MAGI2: variants seen among roughly 807,000 people sequenced by gnomAD.
The protein encoded by MAGI2 is membrane-associated guanylate kinase, WW and PDZ domain-containing protein 2.
MAGI2 carries 35 observed loss-of-function variants against 133.3 expected under a neutral mutation model. The observed-to-expected ratio is 0.26, with a 90% CI of 0.20 to 0.35. The LOEUF (loss-of-function observed/expected upper bound fraction) is 0.35. MAGI2 is among the 10% of genes least tolerant of loss of function. The probability of loss-of-function intolerance (pLI) is 1.00; values close to 1 mark genes in which losing one functional copy is unlikely to be tolerated. For synonymous variants in MAGI2, 729 were observed against 710.6 expected (o/e 1.03, Z -0.41); for missense variants, 1,636 against 1,863.4 (o/e 0.88, Z 2.25).
chr7:78,422,826 C>T (rs1034337836), intron 6 of MAGI2, among the ~76,000 whole-genome samples: 21 of 152,136 alleles, frequency 1.4e-4, no homozygotes, highest in Non-Finnish European at 7.4e-5. Context: ...AAAACAGACT[C>T]CCGCTTTTCT....
chr7:78,515,414 C>T (rs1795954242), intron 4 of MAGI2, among the ~76,000 whole-genome samples: 1 of 151,890 alleles, frequency 6.6e-6, no homozygotes. Flanking sequence ...ATCCTTCAAA[C>T]TTAGGAAACA....
At chr7:78,407,815 C>G (rs139941515) in intron 6 of MAGI2, among the ~76,000 whole-genome samples, 3 of 151,738 alleles carry the variant, frequency 2.0e-5, no homozygotes, top group African/African-American at 4.8e-5. Flanking sequence ...TACTGAGGTG[C>G]CTTTATGTTA....
At chr7:78,102,117 A>G (rs551651239) in intron 20 of MAGI2, among the ~76,000 whole-genome samples, 1 of 152,292 alleles carries the variant, frequency 6.6e-6, no homozygotes, top group African/African-American at 2.4e-5. Flanking sequence ...AAAGACAAAT[A>G]TTGCATGATA....
At chr7:78,812,691 T>A (rs749374277) in intron 2 of MAGI2, among the ~76,000 whole-genome samples, 1 of 152,100 alleles carries the variant, frequency 6.6e-6, no homozygotes, top group Non-Finnish European at 1.5e-5. Flanking sequence ...TTCAATATAG[T>A]GATTGTTCTA....
chr7:78,087,874 T>G (rs1816798212), intron 20 of MAGI2, among the ~76,000 whole-genome samples: 1 of 152,216 alleles, frequency 6.6e-6, no homozygotes, highest in South Asian at 2.1e-4. Flanking sequence ...CAAAACATTT[T>G]CTACAAAGGA....
At chr7:78,331,970 T>C (rs1204694659) in intron 9 of MAGI2, among the ~76,000 whole-genome samples, 2 of 152,166 alleles carry the variant, frequency 1.3e-5, no homozygotes, top group Non-Finnish European at 2.9e-5. Context: ...GCATATCATA[T>C]CTCAATTACT....
intron 9 of MAGI2, among the ~76,000 whole-genome samples, chr7:78,340,835 C>A (rs1790294915): frequency 6.6e-6 from 1 of 152,128 alleles, no homozygotes; most frequent in Non-Finnish European, 1.5e-5. Flanking sequence ...TTATGACAAA[C>A]CCACAGCCAA....
intron 1 of MAGI2, among the ~76,000 whole-genome samples, chr7:79,158,267 T>C (rs1461492021): frequency 1.3e-5 from 2 of 152,076 alleles, no homozygotes; most frequent in Non-Finnish European, 2.9e-5. Context: ...CATCTATGTA[T>C]TTATGTGTTG....
chr7:78,219,567 C>T (rs1052362254), intron 10 of MAGI2, among the ~76,000 whole-genome samples: 6 of 152,124 alleles, frequency 3.9e-5, no homozygotes, highest in African/African-American at 9.7e-5. Context: ...GTCCTTCCCC[C>T]CCACCGATGT....
chr7:78,800,097 A>G (rs1018595699), intron 2 of MAGI2, among the ~76,000 whole-genome samples: 2 of 152,146 alleles, frequency 1.3e-5, no homozygotes, highest in Non-Finnish European at 2.9e-5. Context: ...TGGAAGTTTT[A>G]CCACTATTTA....
intron 6 of MAGI2, among the ~76,000 whole-genome samples, chr7:78,400,201 A>G (rs1796731599): frequency 6.6e-6 from 1 of 152,184 alleles, no homozygotes; most frequent in Admixed American, 6.5e-5. Context: ...TCCAGAGAAA[A>G]TCTTTCACTT....
At chr7:78,175,633 T>C (rs1826520755) in intron 14 of MAGI2, among the ~76,000 whole-genome samples, 1 of 152,160 alleles carries the variant, frequency 6.6e-6, no homozygotes, top group Non-Finnish European at 1.5e-5. Flanking sequence ...GATTCAGAGC[T>C]AGTGTTTAAA....
intron 2 of MAGI2, among the ~76,000 whole-genome samples, chr7:78,675,425 G>A (rs1442218524): frequency 1.3e-5 from 2 of 152,024 alleles, no homozygotes; most frequent in Admixed American, 6.6e-5. Context: ...GAAGGCTACT[G>A]GTTTGTATTG....
At chr7:79,322,137 A>C (rs1303771297) in intron 1 of MAGI2, among the ~76,000 whole-genome samples, 2 of 152,214 alleles carry the variant, frequency 1.3e-5, no homozygotes, top group South Asian at 2.1e-4. Flanking sequence ...AGCATAAAAA[A>C]GTAGCTGGTT....
chr7:78,476,254 T>C (rs1791737172), intron 6 of MAGI2, among the ~76,000 whole-genome samples: 1 of 152,046 alleles, frequency 6.6e-6, no homozygotes, highest in African/African-American at 2.4e-5. Context: ...CCACTCTTTT[T>C]TGTAGCCTCG....
intron 2 of MAGI2, among the ~76,000 whole-genome samples, chr7:78,700,122 A>C (rs780417393): frequency 4.3e-4 from 66 of 152,168 alleles, no homozygotes; most frequent in Non-Finnish European, 8.7e-4. Flanking sequence ...CCGCCAAGCT[A>C]AGCAAATAAC....
chr7:79,352,982 C>T (rs541304625), intron 1 of MAGI2, among the ~76,000 whole-genome samples: 7 of 152,064 alleles, frequency 4.6e-5, no homozygotes, highest in Non-Finnish European at 1.0e-4. Flanking sequence ...TAACTTATTT[C>T]ATCCTCTCAT....
At chr7:78,637,394 G>C (rs1361673793) in intron 2 of MAGI2, among the ~76,000 whole-genome samples, 1 of 151,564 alleles carries the variant, frequency 6.6e-6, no homozygotes, top group Non-Finnish European at 1.5e-5. Context: ...TTAGGAGCTT[G>C]ACTATAGCTC....
Position 78,522,103 on chromosome 7 carries a change from G to A in MAGI2, c.539-458C>T, listed in dbSNP as rs200790615. 1.1e-4 allele frequency among the ~76,000 whole-genome samples: 16 copies of A among 152,244 alleles called. No individual in the cohort carries two copies. The East Asian group carries it at 2.9e-3, about 28-fold the overall frequency. On this transcript the variant is annotated intron_variant, in intron 3 of 21. Coordinates refer to ENST00000354212, the MANE Select transcript of MAGI2 (RefSeq NM_012301.4). ...TATTCTGTAGCTTTCAAAGGATTAT[G>A]GCTATTGTCCTTGATGTGCACAGCA... is the stretch of plus-strand genomic sequence containing the variant.
Sources: gnomAD v4.1 joint callset for allele counts (sites outside exome capture counted in the v4.1 genomes callset) on GRCh38, gnomAD v4.1.1 for gene constraint, MANE v1.5 for transcripts, NCBI Gene and HGNC (gene_info 2026-07-23, HGNC 2026-07-21) for gene names.